Variants in PTCRA observed in about 807,000 individuals in gnomAD.
PTCRA encodes the protein pre T cell antigen receptor alpha.
In PTCRA, 9 loss-of-function variants were observed where a neutral mutation model predicts 13.4. The observed-to-expected ratio is 0.67, with a 90% CI of 0.41 to 1.18. PTCRA has a LOEUF of 1.18. Among genes scored for constraint, PTCRA ranks in the 50% most tolerant of loss-of-function variants. The probability of loss-of-function intolerance (pLI) is 0.01; values close to 1 mark genes in which losing one functional copy is unlikely to be tolerated. For missense variants in PTCRA, 353 were observed against 359.8 expected (o/e 0.98, Z 0.15); for synonymous variants, 153 against 161.9 (o/e 0.94, Z 0.42).
At chr6:42,924,928 G>A (rs535246019) in intron 3 of PTCRA, among the ~76,000 whole-genome samples, 1 of 151,424 alleles carries the variant, frequency 6.6e-6, no homozygotes, top group South Asian at 2.1e-4. Flanking sequence ...ATGAGATCGT[G>A]CCACTGCCCT....
Position 42,916,148 on chromosome 6 carries a change from C to G in PTCRA, c.58+21C>G. 3 of 1,610,928 alleles carry G rather than the reference C, an allele frequency of 1.9e-6. No individual in the cohort carries two copies. In the South Asian group the frequency reaches 3.3e-5, roughly 18 times the overall value. ...CACAGGTGAGCCCCCTCTTTGCCTT[C>G]CTCTCTGTCCCTCCTCAGTCTGCCG... On this transcript the variant is annotated intron_variant, in intron 1 of 3. Transcript: ENST00000304672.
At position 42,925,076 on chromosome 6, in the gene PTCRA, A is replaced by G. The variant is rs1767359803; in HGVS notation, c.425-185A>G. 1 of 766,120 alleles carries G rather than the reference A, an allele frequency of 1.3e-6. No homozygotes were observed. Among genetic ancestry groups the G allele is most frequent in the Admixed American group, 3.0e-5 (1 of 32,788 alleles). 47.5% of individuals were successfully genotyped at this position (766,120 alleles called of 1,614,324 possible). A position where few individuals can be genotyped will look rare whatever the true frequency, so the allele number is the denominator to read the frequency against. ...CCATGATTGTTGGGGAATAAAATAA[A>G]ATGAAGGCCAGGAAGGTATGTATTA... On this transcript the variant is annotated intron_variant, in intron 3 of 3. Coordinates refer to ENST00000304672, the MANE Select transcript of PTCRA (RefSeq NM_138296.3). The surrounding 1 kb of genome is among the most constrained non-coding windows in gnomAD (Gnocchi z 4.4).
intron 1 of PTCRA, among the ~76,000 whole-genome samples, chr6:42,919,410 A>G (rs1392927259): frequency 6.6e-6 from 1 of 152,046 alleles, no homozygotes; most frequent in East Asian, 1.9e-4. Context: ...GTTTGGCTAT[A>G]CCTAATTCAC....
intron 1 of PTCRA, among the ~76,000 whole-genome samples, chr6:42,919,766 A>G: frequency 0.014 from 2 of 144 alleles, no homozygotes; most frequent in African/African-American, 0.031. Context: ...ATTCTGGGCC[A>G]GGTGCGGTGG....
At position 42,919,821 on chromosome 6, in the gene PTCRA, A is replaced by G. The variant is rs1445931200; in HGVS notation, c.59-3206A>G. The stretch of plus-strand genomic sequence containing the variant: ...CACTTTGGGAGGCTGAGGTGGAAGA[A>G]TAGCTTGAGCCTAGGAGTTTGAGAC... On this transcript the variant is annotated intron_variant, in intron 1 of 3. Coordinates refer to ENST00000304672, the MANE Select transcript of PTCRA (RefSeq NM_138296.3). Among the ~76,000 whole-genome samples the G allele has an allele frequency of 4.0e-5, 6 of 151,136 alleles. No individual in the cohort carries two copies. The Admixed American group carries it at 4.0e-4, about 10-fold the overall frequency.
chr6:42,919,955 A>C (rs34433785), intron 1 of PTCRA, among the ~76,000 whole-genome samples: 37,167 of 150,342 alleles, frequency 0.25, 4,734 homozygotes, highest in Middle Eastern at 0.28. Flanking sequence ...CCAGGAGGTC[A>C]AGGCTCCAGT....
At chr6:42,924,827 C>T (rs1371242086) in intron 3 of PTCRA, among the ~76,000 whole-genome samples, 2 of 152,116 alleles carry the variant, frequency 1.3e-5, no homozygotes, top group South Asian at 2.1e-4. Context: ...AAAAATTAGC[C>T]GAGCGTGATG....
chr6:42,917,690 C>A (rs1186452964), intron 1 of PTCRA, among the ~76,000 whole-genome samples: 3 of 151,056 alleles, frequency 2.0e-5, no homozygotes, highest in Non-Finnish European at 4.4e-5. Context: ...GCTGGGATTA[C>A]AGCCGCCCAC....
intron 1 of PTCRA, among the ~76,000 whole-genome samples, chr6:42,917,231 ATTT>A (rs1036076084): frequency 1.6e-5 from 2 of 125,694 alleles, no homozygotes; most frequent in African/African-American, 6.0e-5. Context: ...TATTATTATT[ATTT>A]ATTTTTGAGA....
intron 1 of PTCRA, chr6:42,922,193 G>C (rs1289694855): frequency 1.4e-6 from 1 of 698,114 alleles, no homozygotes; most frequent in Non-Finnish European, 2.6e-6. Flanking sequence ...AGATATATTT[G>C]AAGCCCCTTC....
At chr6:42,916,187 C>A in intron 1 of PTCRA, 60 bp downstream of exon 1, 1 of 1,483,478 alleles carries the variant, frequency 6.7e-7, no homozygotes, top group Non-Finnish European at 9.4e-7. Flanking sequence ...CCCATCCCCT[C>A]ACTCTGGACC....
rs375897930 is a variant in PTCRA at position 42,922,901 on chromosome 6, T to C, written c.59-126T>C. On this transcript the variant is annotated intron_variant, in intron 1 of 3. Transcript: ENST00000304672. ...GAATGGATGAGTGGCTAGAAGGACA[T>C]GTAGATGGATGGTGGAAGGATGGAT... 1.3e-5 allele frequency: 11 copies of C among 855,802 alleles called. No homozygotes were observed. The Admixed American group carries it at 2.0e-4, about 16-fold the overall frequency. The allele number at this position is 855,802 out of a possible 1,614,324, so 53.0% of individuals were successfully genotyped here.
intron 1 of PTCRA, among the ~76,000 whole-genome samples, chr6:42,919,646 G>A (rs113017386): frequency 5.1e-4 from 76 of 149,570 alleles, no homozygotes; most frequent in Non-Finnish European, 1.0e-3. Context: ...GAACCCGGGT[G>A]GTCAAAGCCT....
Position 42,925,187 on chromosome 6 carries a change from G to C in PTCRA, c.425-74G>C. 6.6e-7 allele frequency: 1 copy of C among 1,507,302 alleles called. No homozygotes were observed. Among genetic ancestry groups the C allele is most frequent in the Middle Eastern group, 2.3e-4 (1 of 4,384 alleles). The allele number at this position is 1,507,302 out of a possible 1,614,324, so 93.4% of individuals were successfully genotyped here. ...GGGACGGGCAAGGGCAGAGGACAAG[G>C]CCCTCTCCGCCGTTCTCTCCTGGGG... On this transcript the variant is annotated intron_variant, in intron 3 of 3. Coordinates refer to ENST00000304672, the MANE Select transcript of PTCRA (RefSeq NM_138296.3). The surrounding 1 kb of genome is among the most constrained non-coding windows in gnomAD (Gnocchi z 4.4).
chr6:42,919,524 G>A (rs952667019), intron 1 of PTCRA, among the ~76,000 whole-genome samples: 3 of 151,356 alleles, frequency 2.0e-5, no homozygotes, highest in African/African-American at 4.9e-5. Flanking sequence ...GACCAGCTAG[G>A]ACAACATAGT....
At chr6:42,916,521 C>A (rs1170201494) in intron 1 of PTCRA, among the ~76,000 whole-genome samples, 4 of 152,180 alleles carry the variant, frequency 2.6e-5, no homozygotes, top group African/African-American at 9.7e-5. Context: ...ATATGGGTAA[C>A]AGTGTGAGGT....
At chr6:42,923,476 A>C in intron 2 of PTCRA, 129 bp downstream of exon 2, 1 of 869,624 alleles carries the variant, frequency 1.1e-6, no homozygotes, top group East Asian at 2.6e-5. Flanking sequence ...CCTCTGGGTG[A>C]GGTGACACCT....
intron 1 of PTCRA, 61 bp from the exon 2 acceptor site, chr6:42,922,966 C>T: frequency 6.7e-7 from 1 of 1,503,112 alleles, no homozygotes; most frequent in South Asian, 1.2e-5. Flanking sequence ...GCCTACAACA[C>T]AATGCTGGCC....
chr6:42,921,412 CTTTTTTT>C (rs59029514), intron 1 of PTCRA, among the ~76,000 whole-genome samples: 1 of 85,658 alleles, frequency 1.2e-5, no homozygotes, highest in Non-Finnish European at 2.1e-5. Context: ...AACAAAGCTT[CTTTTTTT>C]TTTTTTTTTT....
Sources: allele counts gnomAD v4.1 joint callset (sites outside exome capture counted in the v4.1 genomes callset), GRCh38; gene constraint gnomAD v4.1.1; non-coding constraint Gnocchi (gnomAD v3.1); transcripts MANE v1.5; gene names NCBI Gene and HGNC (gene_info 2026-07-23, HGNC 2026-07-21).